SYCP1: variants seen among roughly 807,000 people sequenced by gnomAD.
SYCP1 encodes synaptonemal complex protein 1.
Under a neutral mutation model 153.1 loss-of-function variants are expected in SYCP1, and 64 were observed. That is an observed-to-expected ratio of 0.42 (90% CI 0.34 to 0.51). The LOEUF (loss-of-function observed/expected upper bound fraction) is 0.51, where lower values mean the gene tolerates loss of function less well. Among genes scored for constraint, SYCP1 ranks in the 20% least tolerant of loss-of-function variants. The pLI is 0.06. For synonymous variants in SYCP1, 384 were observed against 341.8 expected, an observed-to-expected ratio of 1.12 and a Z score of -1.36; for missense variants, 997 against 1,049.0, an observed-to-expected ratio of 0.95 and a Z score of 0.68.
At chr1:114,969,994 A>G (rs773615130) in intron 27 of SYCP1, among the ~76,000 whole-genome samples, 17 of 152,180 alleles carry the variant, frequency 1.1e-4, no homozygotes, top group South Asian at 1.0e-3. Flanking sequence ...AACCAGTCCC[A>G]ATGAGATGAA....
chr1:114,950,080 G>A (rs1194135902), intron 27 of SYCP1, among the ~76,000 whole-genome samples: 1 of 152,126 alleles, frequency 6.6e-6, no homozygotes, highest in Non-Finnish European at 1.5e-5. Context: ...GAAGAATTAT[G>A]TATTTCCACC....
chr1:114,968,579 C>T (rs1672288367), intron 27 of SYCP1, among the ~76,000 whole-genome samples: 1 of 152,130 alleles, frequency 6.6e-6, no homozygotes, highest in South Asian at 2.1e-4. Context: ...CTTCCTGTAA[C>T]CTTTTATCAA....
chr1:114,947,799 G>A (rs1165765253), intron 27 of SYCP1, among the ~76,000 whole-genome samples: 13 of 106,978 alleles, frequency 1.2e-4, no homozygotes, highest in Non-Finnish European at 1.5e-4. Context: ...GAGACAGAGC[G>A]AGACTCCGTC....
At chr1:114,983,166 G>T (rs1434777612) in intron 29 of SYCP1, among the ~76,000 whole-genome samples, 7 of 151,914 alleles carry the variant, frequency 4.6e-5, no homozygotes, top group Non-Finnish European at 1.0e-4. Flanking sequence ...TTAGCCAGTG[G>T]TGAAAACTTA....
intron 12 of SYCP1, among the ~76,000 whole-genome samples, chr1:114,885,057 A>T (rs1666200666): frequency 6.6e-6 from 1 of 152,168 alleles, no homozygotes; most frequent in Non-Finnish European, 1.5e-5. Context: ...AAAATCGTGA[A>T]TAATTTTACC....
chr1:114,988,818 CAA>C (rs1291149108), intron 30 of SYCP1, among the ~76,000 whole-genome samples: 1 of 151,946 alleles, frequency 6.6e-6, no homozygotes, highest in Admixed American at 6.6e-5. Flanking sequence ...ATTTTAAAGA[CAA>C]ATGCATATAA....
chr1:114,918,773 C>A (rs991498529), intron 20 of SYCP1, among the ~76,000 whole-genome samples: 17 of 151,810 alleles, frequency 1.1e-4, no homozygotes, highest in African/African-American at 4.1e-4. Context: ...GGAGTACTTT[C>A]TTGATTTATT....
At chr1:114,954,704 C>T (rs908830885) in intron 27 of SYCP1, among the ~76,000 whole-genome samples, 1 of 152,048 alleles carries the variant, frequency 6.6e-6, no homozygotes, top group African/African-American at 2.4e-5. Flanking sequence ...CCTCAGCTTC[C>T]CGAGCAGCTG....
intron 23 of SYCP1, among the ~76,000 whole-genome samples, chr1:114,937,992 T>C (rs971380313): frequency 7.2e-5 from 11 of 152,190 alleles, no homozygotes; most frequent in Non-Finnish European, 1.3e-4. Context: ...AGTGTGGTGA[T>C]TCCTCAGGGA....
chr1:114,990,649 T>G (rs771431875), intron 30 of SYCP1, among the ~76,000 whole-genome samples: 10 of 151,848 alleles, frequency 6.6e-5, no homozygotes, highest in Non-Finnish European at 7.4e-5. Context: ...AGAGATAAAA[T>G]GAATCATAAG....
intron 16 of SYCP1, among the ~76,000 whole-genome samples, chr1:114,899,232 G>C (rs1429498702): frequency 2.6e-5 from 4 of 152,200 alleles, no homozygotes; most frequent in Non-Finnish European, 5.9e-5. Context: ...ACCAGGCAGA[G>C]AGAAATAAAC....
intron 20 of SYCP1, among the ~76,000 whole-genome samples, chr1:114,915,620 C>A (rs1668468449): frequency 6.6e-6 from 1 of 152,186 alleles, no homozygotes; most frequent in Non-Finnish European, 1.5e-5. Context: ...TCCATGGTTG[C>A]TAGTCAGTAT....
chr1:114,903,552 TTAGA>T (rs1464472878), intron 16 of SYCP1, among the ~76,000 whole-genome samples: 3 of 151,838 alleles, frequency 2.0e-5, no homozygotes, highest in African/African-American at 7.3e-5. Flanking sequence ...TGCTGGAGAG[TTAGA>T]TAGGAGCCTT....
At chr1:114,895,531 A>G (rs1331830270) in intron 16 of SYCP1, 22 bp downstream of exon 16, 38 of 1,250,640 alleles carry the variant, frequency 3.0e-5, no homozygotes, top group Non-Finnish European at 4.2e-5. Flanking sequence ...CTTTCCTATT[A>G]ATATATAGCA....
At chr1:114,930,479 T>C (rs1261990129) in intron 23 of SYCP1, among the ~76,000 whole-genome samples, 15 of 151,896 alleles carry the variant, frequency 9.9e-5, no homozygotes, top group Non-Finnish European at 1.2e-4. Flanking sequence ...GAGTACATAA[T>C]TAGCATAGAT....
chr1:114,981,501 C>A lies in SYCP1; in HGVS notation c.2548C>A (p.Pro850Thr). 6.3e-7 allele frequency: 1 copy of A among 1,587,192 alleles called. No individual in the cohort carries two copies. The highest frequency in any genetic ancestry group is 2.3e-5 in the East Asian group (1 of 44,086). Reference protein sequence around the residue: ...WTSAKNTLSTPLPKAYTVKTP... With the variant: ...WTSAKNTLSTTLPKAYTVKTP... ...ATCTGCCAAAAATACTTTATCTACA[C>A]CATTGCCAAAGGTTTGTGTCTAAAT... The change falls in exon 29 of 32, where the codon CCA becomes ACA. Residue 850 changes from proline to threonine, a missense_variant. Coordinates refer to ENST00000369522, the MANE Select transcript of SYCP1 (RefSeq NM_003176.4).
chr1:114,993,930 A>T (rs1347189632), intron 30 of SYCP1, among the ~76,000 whole-genome samples: 3 of 150,776 alleles, frequency 2.0e-5, no homozygotes, highest in Non-Finnish European at 4.4e-5. Context: ...TTCTGTCTCT[A>T]TGATTTTCCC....
intron 7 of SYCP1, 111 bp from the exon 8 acceptor site, chr1:114,860,625 T>A (rs1024362893): frequency 2.0e-5 from 14 of 686,682 alleles, no homozygotes; most frequent in Admixed American, 7.0e-5. Context: ...CCAAAGATTA[T>A]AATATTTTAA....
At chr1:114,902,237 A>G (rs1438211298) in intron 16 of SYCP1, among the ~76,000 whole-genome samples, 9 of 152,210 alleles carry the variant, frequency 5.9e-5, no homozygotes, top group Admixed American at 4.6e-4. Flanking sequence ...AGTTTCCTCT[A>G]TCCTCAGAAG....
Sources: gnomAD v4.1 joint callset for allele counts (sites outside exome capture counted in the v4.1 genomes callset) on GRCh38, gnomAD v4.1.1 for gene constraint, MANE v1.5 for transcripts, NCBI Gene and HGNC (gene_info 2026-07-23, HGNC 2026-07-21) for gene names.